MEIS2: variants seen among roughly 807,000 people sequenced by gnomAD.
MEIS2 encodes the protein Meis homeobox 2.
Under a neutral mutation model 58.6 loss-of-function variants are expected in MEIS2, and 9 were observed. The observed-to-expected ratio is 0.15, with a 90% CI of 0.09 to 0.27. MEIS2 has a LOEUF of 0.27. Among genes scored for constraint, MEIS2 ranks in the 10% least tolerant of loss-of-function variants. MEIS2 has a pLI of 1.00. For missense variants in MEIS2, 427 were observed against 635.0 expected (o/e 0.67, Z 3.52); for synonymous variants, 221 against 228.4 (o/e 0.97, Z 0.29).
intron 8 of MEIS2, among the ~76,000 whole-genome samples, chr15:36,971,127 G>A (rs1366763537): frequency 1.3e-5 from 2 of 151,778 alleles, no homozygotes; most frequent in East Asian, 1.9e-4. Flanking sequence ...ATGTAAAGTC[G>A]ATTTACCTGC....
intron 9 of MEIS2, among the ~76,000 whole-genome samples, chr15:36,946,309 C>T (rs947750961): frequency 5.3e-5 from 8 of 151,454 alleles, no homozygotes; most frequent in South Asian, 2.1e-4. Context: ...GAGAAAATAC[C>T]AGAGTGTTAA....
intron 9 of MEIS2, 112 bp downstream of exon 9, chr15:36,950,212 T>A: frequency 1.1e-6 from 1 of 947,080 alleles, no homozygotes; most frequent in Non-Finnish European, 1.6e-6. Context: ...AACACAGAAG[T>A]TATCCTCCTC....
chr15:37,009,018 G>A (rs369199436), intron 8 of MEIS2, among the ~76,000 whole-genome samples: 5 of 152,292 alleles, frequency 3.3e-5, no homozygotes, highest in East Asian at 3.9e-4. Context: ...GGTCAGGCGT[G>A]GTGGCTTACG....
chr15:37,085,640 C>T (rs1488183981), intron 6 of MEIS2, among the ~76,000 whole-genome samples: 6 of 151,932 alleles, frequency 3.9e-5, no homozygotes, highest in Non-Finnish European at 7.4e-5. Flanking sequence ...AAAGTGAAAA[C>T]CCTGAGCAGA....
chr15:36,961,743 T>A (rs2059190266), intron 8 of MEIS2, among the ~76,000 whole-genome samples: 1 of 152,146 alleles, frequency 6.6e-6, no homozygotes, highest in Non-Finnish European at 1.5e-5. Context: ...TTTGCTTCTA[T>A]TCATCAACTG....
intron 7 of MEIS2, among the ~76,000 whole-genome samples, chr15:37,055,012 T>C (rs1002872903): frequency 1.3e-5 from 2 of 152,114 alleles, no homozygotes; most frequent in African/African-American, 2.4e-5. Flanking sequence ...CCTATGAGAG[T>C]TGACATTTTC....
chr15:36,892,271 T>C lies in MEIS2; in HGVS notation c.1336A>G (p.Thr446Ala). ...GCTGACATAGTCATTCCAGGGTGGG[T>C]AGGGGGTCCTCCGTGCATCATCATG... The part of the protein sequence containing the change: ...PAMMMHGGPP[T>A]HPGMTMSAQS... The change falls in exon 12 of 12, where the codon ACC (threonine) becomes GCC (alanine). Residue 446 changes from threonine to alanine, a missense_variant. Transcript: ENST00000561208. 1 of 1,613,910 alleles carries C rather than the reference T, an allele frequency of 6.2e-7. No individual in the cohort carries two copies. The highest frequency in any genetic ancestry group is 8.5e-7 in the Non-Finnish European group (1 of 1,179,984).
chr15:37,082,204 G>C (rs563649722), intron 7 of MEIS2, among the ~76,000 whole-genome samples: 108 of 152,242 alleles, frequency 7.1e-4, no homozygotes, highest in African/African-American at 2.6e-3. Context: ...AAGCGTTAAC[G>C]TAATTGCAAG....
rs926831373 is a variant in MEIS2 at position 37,098,022 on chromosome 15, T to C, written c.190A>G (p.Ser64Gly). Residue 64 changes from serine (S) to glycine (G), a missense_variant, in exon 2 of 12, where the codon AGT (serine) becomes GGT (glycine). Ser to Gly is a moderately conservative substitution (Grantham distance 56). This residue lies in a region of MEIS2 where 103 missense variants were observed against 111.8 expected (regional missense o/e 0.92). Transcript: ENST00000561208. ...HAPHPNVMPA[S>G]MGSAVNDALK... ...GCGTCGTTGACAGCGGATCCCATAC[T>C]GGCCGGCATGACATTGGGGTGCGGG... is the stretch of plus-strand genomic sequence containing the variant. The C allele has an allele frequency of 6.2e-7, 1 of 1,612,804 alleles. No individual in the cohort carries two copies. Among genetic ancestry groups the C allele is most frequent in the Admixed American group, 1.7e-5 (1 of 59,924 alleles).
chr15:37,015,742 T>G (rs145904945), intron 8 of MEIS2, among the ~76,000 whole-genome samples: 1 of 151,934 alleles, frequency 6.6e-6, no homozygotes, highest in Admixed American at 6.6e-5. Context: ...ACCTTTTTTT[T>G]CCCCCTGTGC....
At chr15:36,996,339 G>A (rs1468157522) in intron 8 of MEIS2, among the ~76,000 whole-genome samples, 1 of 152,052 alleles carries the variant, frequency 6.6e-6, no homozygotes, top group African/African-American at 2.4e-5. Flanking sequence ...CTTTGGGGCA[G>A]TCATCAGCCT....
intron 9 of MEIS2, 70 bp from the exon 10 acceptor site, chr15:36,896,756 G>T (rs1006617158): frequency 1.7e-6 from 2 of 1,187,046 alleles, no homozygotes; most frequent in African/African-American, 3.0e-5. Context: ...TTGCATGAAT[G>T]CTGAGGAGCA....
At chr15:36,952,042 C>T (rs1219478971) in intron 8 of MEIS2, among the ~76,000 whole-genome samples, 1 of 152,162 alleles carries the variant, frequency 6.6e-6, no homozygotes, top group African/African-American at 2.4e-5. Context: ...TCAGGTGCTG[C>T]ACTCTGCCAC....
intron 9 of MEIS2, among the ~76,000 whole-genome samples, chr15:36,910,226 T>TTC (rs1187409884): frequency 1.3e-5 from 2 of 152,046 alleles, no homozygotes; most frequent in African/African-American, 4.8e-5. Flanking sequence ...ACAAAAAGCT[T>TTC]TTTAAAAATA....
chr15:36,967,575 G>A (rs17435328), intron 8 of MEIS2, among the ~76,000 whole-genome samples: 5,661 of 152,136 alleles, frequency 0.037, 152 homozygotes, highest in Non-Finnish European at 0.055. Flanking sequence ...TCCCAAAACC[G>A]GTATAGCTCC....
At chr15:36,980,600 G>A (rs1206248891) in intron 8 of MEIS2, among the ~76,000 whole-genome samples, 1 of 151,980 alleles carries the variant, frequency 6.6e-6, no homozygotes, top group Admixed American at 6.6e-5. Context: ...CACAACATGT[G>A]GGAATTCAAG....
intron 8 of MEIS2, among the ~76,000 whole-genome samples, chr15:37,012,311 C>A (rs1480304821): frequency 6.6e-6 from 1 of 152,196 alleles, no homozygotes; most frequent in African/African-American, 2.4e-5. Context: ...TCTCCTTGTT[C>A]CTCAGTCCTT....
chr15:36,912,862 T>C (rs2141272148), intron 9 of MEIS2, among the ~76,000 whole-genome samples: 1 of 150,882 alleles, frequency 6.6e-6, no homozygotes, highest in Non-Finnish European at 1.5e-5. Context: ...AAAAAGGTGC[T>C]AAACTGTCAA....
chr15:36,909,888 G>A (rs896713224), intron 9 of MEIS2, among the ~76,000 whole-genome samples: 1 of 151,566 alleles, frequency 6.6e-6, no homozygotes, highest in African/African-American at 2.4e-5. Context: ...GAGGGATAGA[G>A]AATAGAAAGC....
Sources: allele counts gnomAD v4.1 joint callset (sites outside exome capture counted in the v4.1 genomes callset), GRCh38; gene constraint gnomAD v4.1.1; regional missense constraint gnomAD v4.1.1; transcripts MANE v1.5; gene names NCBI Gene and HGNC (gene_info 2026-07-23, HGNC 2026-07-21).